SLC9A9: variants seen among roughly 807,000 people sequenced by gnomAD.
SLC9A9 encodes the protein sodium/hydrogen exchanger 9.
A neutral mutation model predicts 77.8 loss-of-function variants in SLC9A9; 62 were observed. The ratio of observed to expected loss-of-function variants is 0.80; its 90% CI spans 0.65 to 0.98. SLC9A9 has a LOEUF of 0.98. Among genes scored for constraint, SLC9A9 ranks in the 50% least tolerant of loss-of-function variants. The pLI, the probability that SLC9A9 is intolerant of heterozygous loss-of-function variation, is 0.00. For synonymous variants in SLC9A9, 320 were observed against 283.5 expected (o/e 1.13, Z -1.29); for missense variants, 775 against 774.9 (o/e 1.00, Z 0.00).
intron 12 of SLC9A9, among the ~76,000 whole-genome samples, chr3:143,457,312 C>A (rs2035112134): frequency 6.6e-6 from 1 of 152,194 alleles, no homozygotes; most frequent in Non-Finnish European, 1.5e-5. Flanking sequence ...GCCACCTGGT[C>A]TGGCCCCTCC....
chr3:143,288,167 T>C (rs1413377443), intron 14 of SLC9A9, among the ~76,000 whole-genome samples: 14 of 152,132 alleles, frequency 9.2e-5, no homozygotes, highest in Admixed American at 6.6e-4. Context: ...CAAATGATTA[T>C]TTTTGTTTGC....
intron 8 of SLC9A9, among the ~76,000 whole-genome samples, chr3:143,573,529 C>A (rs929006822): frequency 6.6e-6 from 1 of 152,170 alleles, no homozygotes; most frequent in Non-Finnish European, 1.5e-5. Flanking sequence ...CCCTTTCTAT[C>A]AACTGTTCCA....
intron 4 of SLC9A9, among the ~76,000 whole-genome samples, chr3:143,737,300 T>C (rs1934963589): frequency 6.6e-6 from 1 of 152,214 alleles, no homozygotes; most frequent in Admixed American, 6.5e-5. Flanking sequence ...ACATTTAGTG[T>C]GCTTCCTGTT....
rs2035393977 is a variant in SLC9A9, at chr3:143,472,407, T to C, written c.1316-5217A>G. On this transcript the variant is annotated intron_variant, in intron 11 of 15. Transcript: ENST00000316549. ...AATAAATGGTGAGGCAAAAGAGACC[T>C]TTGTGTACATAATTTTCTATGCCCA... Among the ~76,000 whole-genome samples the C allele has an allele frequency of 5.9e-5, 9 of 152,348 alleles. 1 individual carries two copies. In the South Asian group the frequency reaches 1.9e-3, roughly 32 times the overall value.
At chr3:143,739,995 TTC>T (rs1422854411) in intron 4 of SLC9A9, among the ~76,000 whole-genome samples, 1 of 152,238 alleles carries the variant, frequency 6.6e-6, no homozygotes, top group Middle Eastern at 3.2e-3. Context: ...AAGATGCTAT[TTC>T]TCAGTCGGGT....
intron 8 of SLC9A9, 81 bp from the exon 9 acceptor site, chr3:143,552,531 A>G: frequency 8.5e-7 from 1 of 1,179,494 alleles, no homozygotes; most frequent in Admixed American, 1.8e-5. Flanking sequence ...CCAGTTGGAA[A>G]ATAGACTTGG....
intron 6 of SLC9A9, among the ~76,000 whole-genome samples, chr3:143,637,399 T>A (rs1002279463): frequency 5.9e-5 from 9 of 152,232 alleles, no homozygotes; most frequent in Non-Finnish European, 1.0e-4. Context: ...CTTGACTACA[T>A]ATCTTTTAAA....
At chr3:143,656,983 T>C (rs1440424029) in intron 5 of SLC9A9, among the ~76,000 whole-genome samples, 1 of 152,200 alleles carries the variant, frequency 6.6e-6, no homozygotes, top group African/African-American at 2.4e-5. Context: ...TTTTCCCACT[T>C]TCCTGAAAAA....
intron 1 of SLC9A9, among the ~76,000 whole-genome samples, chr3:143,840,937 G>A (rs898586431): frequency 4.6e-5 from 7 of 152,060 alleles, no homozygotes; most frequent in African/African-American, 1.7e-4. Flanking sequence ...GTGAGGATTA[G>A]TGATAATGCA....
chr3:143,681,862 T>C (rs1183907705), intron 5 of SLC9A9, among the ~76,000 whole-genome samples: 1 of 152,178 alleles, frequency 6.6e-6, no homozygotes, highest in Non-Finnish European at 1.5e-5. Context: ...TGGGCTACCC[T>C]TCAGGTACCT....
intron 11 of SLC9A9, among the ~76,000 whole-genome samples, chr3:143,475,125 A>ATT (rs35148633): frequency 2.7e-4 from 36 of 134,692 alleles, no homozygotes; most frequent in African/African-American, 6.6e-4. Flanking sequence ...CACCTGGCTC[A>ATT]TTTTTTTTTT....
intron 4 of SLC9A9, among the ~76,000 whole-genome samples, chr3:143,709,530 C>G (rs1934085291): frequency 6.6e-6 from 1 of 152,116 alleles, no homozygotes; most frequent in African/African-American, 2.4e-5. Flanking sequence ...AGCAAAATAG[C>G]TCAGCCATTA....
At chr3:143,719,610 G>A (rs559868702) in intron 4 of SLC9A9, among the ~76,000 whole-genome samples, 1 of 152,306 alleles carries the variant, frequency 6.6e-6, no homozygotes, top group East Asian at 1.9e-4. Context: ...GGTATCATAT[G>A]TTATTCTTCT....
intron 1 of SLC9A9, among the ~76,000 whole-genome samples, chr3:143,833,804 C>T (rs889446472): frequency 3.9e-5 from 6 of 152,142 alleles, no homozygotes; most frequent in African/African-American, 1.4e-4. Context: ...ACCTTACTAA[C>T]ACAATGCATA....
intron 14 of SLC9A9, among the ~76,000 whole-genome samples, chr3:143,312,855 C>A (rs1052695269): frequency 6.6e-6 from 1 of 152,248 alleles, no homozygotes; most frequent in Non-Finnish European, 1.5e-5. Context: ...AGCTCTAACC[C>A]TCGCTTTACG....
In SLC9A9 at chr3:143,598,716, C is replaced by G. The variant is rs528836909; in HGVS notation, c.756-19993G>C. On this transcript the variant is annotated intron_variant, in intron 6 of 15. Transcript: ENST00000316549. Reference sequence around the variant, plus strand: ...CTACATGTTATTAAAATGCTGCAAGCAAGCAAGTCAACACAAGTTTTTAAA... The same window carrying G: ...CTACATGTTATTAAAATGCTGCAAGGAAGCAAGTCAACACAAGTTTTTAAA... Among the ~76,000 whole-genome samples the G allele has an allele frequency of 2.6e-5, 4 of 152,348 alleles. No individual in the cohort carries two copies. In the East Asian group the frequency reaches 7.7e-4, roughly 29 times the overall value.
intron 12 of SLC9A9, among the ~76,000 whole-genome samples, chr3:143,435,711 G>A (rs758602007): frequency 6.6e-6 from 1 of 152,118 alleles, no homozygotes; most frequent in Non-Finnish European, 1.5e-5. Flanking sequence ...GTATGCTGGG[G>A]TGGGTTTCAG....
intron 4 of SLC9A9, among the ~76,000 whole-genome samples, chr3:143,782,452 G>C (rs751610587): frequency 1.1e-4 from 17 of 152,170 alleles, no homozygotes; most frequent in Middle Eastern, 3.2e-3. Context: ...AATTTAAATT[G>C]CAAGAGTAAG....
chr3:143,280,301 T>C (rs1938177609), intron 14 of SLC9A9, among the ~76,000 whole-genome samples: 1 of 152,204 alleles, frequency 6.6e-6, no homozygotes, highest in South Asian at 2.1e-4. Flanking sequence ...CAATGTTGAC[T>C]GTAACCCATT....
Sources: gnomAD v4.1 joint callset for allele counts (sites outside exome capture counted in the v4.1 genomes callset) on GRCh38, gnomAD v4.1.1 for gene constraint, MANE v1.5 for transcripts, NCBI Gene and HGNC (gene_info 2026-07-23, HGNC 2026-07-21) for gene names.